ETV6: variants seen among roughly 807,000 people sequenced by gnomAD.
The protein encoded by ETV6 is ETS variant transcription factor 6, also known as transcription factor ETV6.
A neutral mutation model predicts 51.1 loss-of-function variants in ETV6; 16 were observed. The observed-to-expected ratio is 0.31, with a 90% confidence interval of 0.21 to 0.48. ETV6 has a LOEUF of 0.48. ETV6 is among the 20% of genes least tolerant of loss of function. ETV6 has a pLI of 0.99. For synonymous variants in ETV6, 240 were observed against 224.1 expected (o/e 1.07, Z -0.64); for missense variants, 458 against 594.8 (o/e 0.77, Z 2.39).
At chr12:11,881,377 G>GT (rs140540607) in intron 5 of ETV6, among the ~76,000 whole-genome samples, 1,704 of 152,342 alleles carry the variant, frequency 0.011, 41 homozygotes, top group African/African-American at 0.039. Flanking sequence ...CCACAGCTGA[G>GT]TTCTGGCCTT....
At chr12:11,749,865 G>A (rs113233205) in intron 1 of ETV6, among the ~76,000 whole-genome samples, 8 of 152,310 alleles carry the variant, frequency 5.3e-5, no homozygotes, top group African/African-American at 1.9e-4. Context: ...CGGGGCCCTA[G>A]AAGCACATTG....
At chr12:11,675,132 C>T (rs1864397617) in intron 1 of ETV6, among the ~76,000 whole-genome samples, 1 of 152,176 alleles carries the variant, frequency 6.6e-6, no homozygotes, top group Non-Finnish European at 1.5e-5. Context: ...GAGTTTATTA[C>T]CACAAGGAGT....
At chr12:11,708,694 T>C (rs1263804102) in intron 1 of ETV6, among the ~76,000 whole-genome samples, 1 of 152,188 alleles carries the variant, frequency 6.6e-6, no homozygotes, top group Non-Finnish European at 1.5e-5. Flanking sequence ...CAAGTCAACT[T>C]TTGGAGCTGT....
At chr12:11,788,756 GT>G (rs1336998892) in intron 2 of ETV6, among the ~76,000 whole-genome samples, 7,495 of 102,432 alleles carry the variant, frequency 0.073, 384 homozygotes, top group African/African-American at 0.16. Flanking sequence ...GCTTGTATTG[GT>G]TTTTTTTTTT....
At chr12:11,765,169 G>T (rs946924104) in intron 2 of ETV6, among the ~76,000 whole-genome samples, 6 of 152,088 alleles carry the variant, frequency 3.9e-5, no homozygotes, top group African/African-American at 1.4e-4. Flanking sequence ...AAAACTTCAG[G>T]GTTTATATAT....
chr12:11,812,497 C>G (rs1476811908), intron 2 of ETV6, among the ~76,000 whole-genome samples: 1 of 152,214 alleles, frequency 6.6e-6, no homozygotes, highest in South Asian at 2.1e-4. Context: ...TTAGTGCTTT[C>G]CTTCCTCTCA....
rs1373776716 is a variant in ETV6 at position 11,894,629 on chromosome 12, A to G, written c.*3583A>G. On this transcript the variant is annotated 3_prime_UTR_variant, in exon 8 of 8. Coordinates refer to ENST00000396373, the MANE Select transcript of ETV6 (RefSeq NM_001987.5). Reference sequence around the variant, plus strand: ...AGAATGTCGCTTTAGCTGAAATTCAAATGGCTGTGACAATTTACCGAAATG... The same window carrying G: ...AGAATGTCGCTTTAGCTGAAATTCAGATGGCTGTGACAATTTACCGAAATG... 3 of 233,188 alleles carry G rather than the reference A, an allele frequency of 1.3e-5. No homozygotes were observed. The highest frequency in any genetic ancestry group is 6.6e-5 in the African/African-American group (3 of 45,354). The allele number at this position is 233,188 out of a possible 1,614,324, so 14.4% of individuals were successfully genotyped here.
chr12:11,712,287 A>C (rs570203903), intron 1 of ETV6, among the ~76,000 whole-genome samples: 1 of 152,296 alleles, frequency 6.6e-6, no homozygotes, highest in African/African-American at 2.4e-5. Context: ...GCAATTACAA[A>C]CATTTCATGT....
At chr12:11,852,762 G>A (rs927725986) in intron 3 of ETV6, among the ~76,000 whole-genome samples, 2 of 152,202 alleles carry the variant, frequency 1.3e-5, no homozygotes, top group Non-Finnish European at 2.9e-5. Flanking sequence ...GGAGGGAAAA[G>A]AGGATACTCA....
chr12:11,679,185 A>C (rs1238574358), intron 1 of ETV6, among the ~76,000 whole-genome samples: 3 of 152,258 alleles, frequency 2.0e-5, no homozygotes, highest in African/African-American at 7.2e-5. Context: ...GCAGGAAATA[A>C]GGAATAAGCA....
chr12:11,823,179 C>T (rs916982410), intron 2 of ETV6, among the ~76,000 whole-genome samples: 6 of 152,256 alleles, frequency 3.9e-5, no homozygotes, highest in Admixed American at 2.6e-4. Context: ...GCAGCTGGAT[C>T]GCTCCTCCTA....
intron 1 of ETV6, among the ~76,000 whole-genome samples, chr12:11,720,241 C>T (rs1169817169): frequency 1.3e-5 from 2 of 152,144 alleles, no homozygotes; most frequent in African/African-American, 4.8e-5. Context: ...AGTCATCTCC[C>T]TAATAAGCCT....
At chr12:11,837,278 A>C (rs551730145) in intron 2 of ETV6, among the ~76,000 whole-genome samples, 1 of 152,334 alleles carries the variant, frequency 6.6e-6, no homozygotes, top group African/African-American at 2.4e-5. Flanking sequence ...TTGAAATTCT[A>C]ATTTGTTTCC....
At chr12:11,780,464 A>G (rs1490396702) in intron 2 of ETV6, among the ~76,000 whole-genome samples, 1 of 152,204 alleles carries the variant, frequency 6.6e-6, no homozygotes, top group Non-Finnish European at 1.5e-5. Context: ...CACAGAGAAA[A>G]AAAAAGCTTT....
chr12:11,851,393 A>G (rs1003901784), intron 3 of ETV6, among the ~76,000 whole-genome samples: 1 of 152,190 alleles, frequency 6.6e-6, no homozygotes, highest in Admixed American at 6.5e-5. Context: ...ACCAAAAGAA[A>G]CAAAGTGTTG....
chr12:11,732,404 A>G (rs1051830076), intron 1 of ETV6, among the ~76,000 whole-genome samples: 1 of 152,170 alleles, frequency 6.6e-6, no homozygotes, highest in African/African-American at 2.4e-5. Context: ...TCAATTTCTA[A>G]GGCCCCTTCC....
chr12:11,651,978 A>G (rs1863915608), intron 1 of ETV6, among the ~76,000 whole-genome samples: 1 of 152,184 alleles, frequency 6.6e-6, no homozygotes, highest in African/African-American at 2.4e-5. Context: ...CCAGTCGGAA[A>G]AAGAGTACAA....
intron 1 of ETV6, among the ~76,000 whole-genome samples, chr12:11,692,427 A>G (rs1864785312): frequency 6.6e-6 from 1 of 152,140 alleles, no homozygotes; most frequent in Non-Finnish European, 1.5e-5. Context: ...GCAACAGAAG[A>G]CGGACTACAT....
chr12:11,789,075 C>T (rs144855395), intron 2 of ETV6, among the ~76,000 whole-genome samples: 118 of 152,204 alleles, frequency 7.8e-4, no homozygotes, highest in Non-Finnish European at 8.7e-4. Flanking sequence ...CATTGTCGCC[C>T]GGACTGGAGT....
Sources: gnomAD v4.1 joint callset for allele counts (sites outside exome capture counted in the v4.1 genomes callset) on GRCh38, gnomAD v4.1.1 for gene constraint, MANE v1.5 for transcripts, NCBI Gene and HGNC (gene_info 2026-07-23, HGNC 2026-07-21) for gene names.